Variants in SPATA6L observed in about 807,000 individuals in gnomAD.
SPATA6L encodes spermatogenesis associated 6 like, also known as spermatogenesis associated 6-like protein.
In SPATA6L, 68 loss-of-function variants were observed where a neutral mutation model predicts 49.2. The ratio of observed to expected loss-of-function variants is 1.38; its 90% confidence interval spans 1.14 to 1.69. The LOEUF is 1.69. Among genes scored for constraint, SPATA6L ranks in the 40% most tolerant of loss-of-function variants. The pLI, the probability that SPATA6L is intolerant of heterozygous loss-of-function variation, is 0.00. For missense variants in SPATA6L, 668 were observed against 464.3 expected (o/e 1.44, Z -4.03); for synonymous variants, 198 against 165.7 (o/e 1.19, Z -1.50).
At chr9:4,619,093 G>C (rs7865456) in intron 7 of SPATA6L, among the ~76,000 whole-genome samples, 195 bp from the exon 8 acceptor site, 95 of 152,034 alleles carry the variant, frequency 6.2e-4, no homozygotes, top group African/African-American at 2.3e-3. Context: ...CGGGTTGTGG[G>C]GGTTTTTTGC....
chr9:4,656,896 A>G (rs745486933), intron 2 of SPATA6L, among the ~76,000 whole-genome samples: 19 of 152,224 alleles, frequency 1.2e-4, no homozygotes, highest in Non-Finnish European at 2.2e-4. Flanking sequence ...AAGAAATATT[A>G]CCTATGCGTA....
Position 4,609,077 on chromosome 9 carries a change from T to C in SPATA6L, c.996-3637A>G, listed in dbSNP as rs544428531. Among the ~76,000 whole-genome samples the C allele has an allele frequency of 2.9e-4, 43 of 150,604 alleles. No homozygotes were observed. The East Asian group carries it at 6.0e-3, about 21-fold the overall frequency. The stretch of plus-strand genomic sequence containing the variant: ...TGGATAAATTCCTCGACACATACGC[T>C]CTCCCAAGACTAAACCAGGAAGAAG... On this transcript the variant is annotated intron_variant, in intron 9 of 11. Coordinates refer to ENST00000682582, the MANE Select transcript of SPATA6L (RefSeq NM_001353486.2).
chr9:4,621,335 A>G (rs934419572), intron 7 of SPATA6L, among the ~76,000 whole-genome samples: 10 of 152,236 alleles, frequency 6.6e-5, no homozygotes, highest in African/African-American at 2.4e-4. Flanking sequence ...AAGACCTTTC[A>G]GGAGATCTGC....
rs1019147694 is a variant in SPATA6L, at chr9:4,666,305, T to C, written c.-55A>G. ...TGAGAAGATCCTTTTGTGCCGAGCC[T>C]TGGACCAATTTTTCTTAGTTTAGCT... On this transcript the variant is annotated 5_prime_UTR_variant, in exon 1 of 12. Transcript: ENST00000682582. The C allele has an allele frequency of 5.6e-6, 9 of 1,600,566 alleles. No homozygotes were observed. The highest frequency in any genetic ancestry group is 6.8e-6 in the Non-Finnish European group (8 of 1,168,254).
At chr9:4,634,031 G>A (rs10974687) in intron 4 of SPATA6L, among the ~76,000 whole-genome samples, 22,187 of 152,078 alleles carry the variant, frequency 0.15, 2,626 homozygotes, top group East Asian at 0.34. Flanking sequence ...ACCTCCTATA[G>A]GTTATTTTTC....
rs765873887 is a variant in SPATA6L at position 4,605,432 on chromosome 9, G to C, written c.1004C>G (p.Pro335Arg). ...DQPLLRERFH[P>R]GSQSTWKNIH... is the part of the protein sequence containing the mutation. ...ATTCTTCCATGTGGACTGAGAACCA[G>C]GATGGAACCTGCTCAACAGATGGAA... Residue 335 changes from proline (P) to arginine (R), a missense_variant, in exon 10 of 12, where the codon CCT becomes CGT. Coordinates refer to ENST00000682582, the MANE Select transcript of SPATA6L (RefSeq NM_001353486.2). The C allele has an allele frequency of 2.5e-6, 4 of 1,613,544 alleles. No individual in the cohort carries two copies. The highest frequency in any genetic ancestry group is 3.4e-6 in the Non-Finnish European group (4 of 1,179,536).
In SPATA6L at chr9:4,635,378, T is replaced by C; in HGVS notation, c.248A>G (p.Tyr83Cys). Residue 83 changes from tyrosine to cysteine, a missense_variant, in exon 4 of 12, where the codon TAC becomes TGC. By Grantham distance (194) the Tyr-to-Cys change is radical. Coordinates refer to ENST00000682582, the MANE Select transcript of SPATA6L (RefSeq NM_001353486.2). ...LLEMWDELAY[Y>C]EENTRDFLFP... ...AAGAAAATCTCGTGTGTTTTCTTCG[T>C]AGTAGGCCAACTCATCCCACACTAG... is the stretch of plus-strand genomic sequence containing the variant. 2 of 1,593,132 alleles carry C rather than the reference T, an allele frequency of 1.3e-6. No homozygotes were observed. Among genetic ancestry groups the C allele is most frequent in the East Asian group, 2.4e-5 (1 of 42,552 alleles).
intron 13 of SPATA6L, among the ~76,000 whole-genome samples, chr9:4,589,750 T>C (rs1046330922): frequency 3.9e-5 from 6 of 152,144 alleles, no homozygotes; most frequent in Admixed American, 3.3e-4. Context: ...CCTATAAATC[T>C]TGTGTGACTC....
Position 4,606,804 on chromosome 9 carries a change from G to A in SPATA6L, c.996-1364C>T, listed in dbSNP as rs189746627. Among the ~76,000 whole-genome samples the A allele has an allele frequency of 3.0e-3, 442 of 148,616 alleles. 4 individuals are homozygous for A. Among genetic ancestry groups the A allele is most frequent in the African/African-American group, 0.01 (412 of 39,368 alleles). The stretch of plus-strand genomic sequence containing the variant: ...ACAAAGCTGGACGGAGAACGACTTC[G>A]ACGAGCTGAGAGAAGAAGGCTTCAG... On this transcript the variant is annotated intron_variant, in intron 9 of 11. Coordinates refer to ENST00000682582, the MANE Select transcript of SPATA6L (RefSeq NM_001353486.2).
In SPATA6L at chr9:4,625,345, A is replaced by C. The variant is rs757130181; in HGVS notation, c.651T>G (p.Pro217=). Residue 217 remains proline, a synonymous_variant, in exon 6 of 12, where the codon CCT becomes CCG. Coordinates refer to ENST00000682582, the MANE Select transcript of SPATA6L (RefSeq NM_001353486.2). ...GGCTCACGTGTCTAACAACAAATGG[A>C]GGCTTGCTTCCTCCAGAGATTTTGA... ...NNFKISGGSK[P]PFVVRHVDSA... 6.2e-7 allele frequency: 1 copy of C among 1,613,426 alleles called. No individual in the cohort carries two copies. Among genetic ancestry groups the C allele is most frequent in the Non-Finnish European group, 8.5e-7 (1 of 1,179,732 alleles).
chr9:4,620,367 C>A (rs1829005925), intron 7 of SPATA6L, among the ~76,000 whole-genome samples: 1 of 152,190 alleles, frequency 6.6e-6, no homozygotes, highest in Non-Finnish European at 1.5e-5. Context: ...CACACGGGGG[C>A]CTGCCATCAT....
chr9:4,660,491 C>T (rs960952385), intron 2 of SPATA6L, among the ~76,000 whole-genome samples: 13 of 152,214 alleles, frequency 8.5e-5, no homozygotes, highest in African/African-American at 2.9e-4. Context: ...GATACCATCT[C>T]ACACAGTTAG....
At chr9:4,642,839 C>T (rs1290357879) in intron 3 of SPATA6L, among the ~76,000 whole-genome samples, 3 of 149,374 alleles carry the variant, frequency 2.0e-5, no homozygotes, top group Non-Finnish European at 4.4e-5. Context: ...TATATCCAGA[C>T]ATCACTCCAT....
chr9:4,596,205 C>T (rs1279996175), downstream of SPATA6L, among the ~76,000 whole-genome samples: 4 of 152,102 alleles, frequency 2.6e-5, no homozygotes, highest in Non-Finnish European at 5.9e-5. Flanking sequence ...CTTAGTGTGA[C>T]CCCTCCCGAC....
rs751693179 is a variant in SPATA6L, at chr9:4,622,418, T to C, written c.762A>G (p.Pro254=). Residue 254 remains proline, a synonymous_variant, in exon 7 of 12, where the codon CCA becomes CCG. Coordinates refer to ENST00000682582, the MANE Select transcript of SPATA6L (RefSeq NM_001353486.2). ...RKSKFSDFPF[P]TRRASSLDSL... ...AAGAAACTCGAGTACCTCTTCTCGT[T>C]GGAAACGGAAAGTCTGAAAACTTAG... 1.2e-6 allele frequency: 2 copies of C among 1,609,868 alleles called. No homozygotes were observed. The highest frequency in any genetic ancestry group is 2.2e-5 in the East Asian group (1 of 44,864).
chr9:4,595,282 T>C (rs566440918), downstream of SPATA6L, among the ~76,000 whole-genome samples: 38 of 152,240 alleles, frequency 2.5e-4, no homozygotes, highest in Middle Eastern at 6.8e-3. Context: ...AAATAAGTTG[T>C]CTCATGATGT....
In SPATA6L at chr9:4,646,455, C is replaced by T. The variant is rs1835392109; in HGVS notation, c.226+9586G>A. ...AAATTTATTTTAAAATCATATTAAG[C>T]TAATTTAGAAACGGATTTACTGCCA... On this transcript the variant is annotated intron_variant, in intron 3 of 11. Coordinates refer to ENST00000682582, the MANE Select transcript of SPATA6L (RefSeq NM_001353486.2). 6 of 1,466,406 alleles carry T rather than the reference C, an allele frequency of 4.1e-6. No homozygotes were observed. In the East Asian group the frequency reaches 1.6e-4, roughly 38 times the overall value. The allele number at this position is 1,466,406 out of a possible 1,614,324, so 90.8% of individuals were successfully genotyped here.
At chr9:4,652,990 T>C (rs1019037232) in intron 3 of SPATA6L, among the ~76,000 whole-genome samples, 4 of 152,332 alleles carry the variant, frequency 2.6e-5, no homozygotes, top group Middle Eastern at 6.8e-3. Flanking sequence ...ATATCCTAGC[T>C]GGCTTCTTTG....
chr9:4,592,271 C>T (rs183190447), intron 13 of SPATA6L, among the ~76,000 whole-genome samples: 6 of 147,442 alleles, frequency 4.1e-5, no homozygotes, highest in African/African-American at 1.5e-4. Context: ...GCTGAGATCA[C>T]GCCACTGCAC....
Sources: gnomAD v4.1 joint callset for allele counts (sites outside exome capture counted in the v4.1 genomes callset) on GRCh38, gnomAD v4.1.1 for gene constraint, MANE v1.5 for transcripts, NCBI Gene and HGNC (gene_info 2026-07-23, HGNC 2026-07-21) for gene names.